Variants in MED13 observed in about 807,000 individuals in gnomAD.
The protein encoded by MED13 is mediator of RNA polymerase II transcription subunit 13.
Under a neutral mutation model 225.2 loss-of-function variants are expected in MED13, and 23 were observed. The ratio of observed to expected loss-of-function variants is 0.10; its 90% confidence interval spans 0.07 to 0.14. The LOEUF (loss-of-function observed/expected upper bound fraction) is 0.14, where lower values mean the gene tolerates loss of function less well. Ranked by LOEUF, MED13 falls within the 10% of genes least tolerant of loss-of-function variation. MED13 has a pLI of 1.00. For synonymous variants in MED13, 942 were observed against 889.2 expected, an observed-to-expected ratio of 1.06 and a Z score of -1.06; for missense variants, 2,197 against 2,594.5, an observed-to-expected ratio of 0.85 and a Z score of 3.33.
intron 5 of MED13, 126 bp from the exon 6 acceptor site, chr17:62,031,764 A>G (rs1047544296): frequency 6.1e-5 from 31 of 511,874 alleles, no homozygotes; most frequent in African/African-American, 5.7e-4. Context: ...ATTTTTATAA[A>G]TATAAGCTTC....
At chr17:61,987,433 TAAAAAC>T (rs1439084477) in intron 11 of MED13, among the ~76,000 whole-genome samples, 1 of 151,686 alleles carries the variant, frequency 6.6e-6, no homozygotes, top group Non-Finnish European at 1.5e-5. Context: ...GACTCCATCT[TAAAAAC>T]AAAAACAAAA....
Position 61,955,855 on chromosome 17 carries a change from T to TAAAAAAAAAAA in MED13, c.5624-28_5624-18dup, listed in dbSNP as rs61326861. The TAAAAAAAAAAA allele has an allele frequency of 1.2e-5, 10 of 815,120 alleles. No individual in the cohort carries two copies. The African/African-American group carries it at 1.3e-4, about 11-fold the overall frequency. The allele number at this position is 815,120 out of a possible 1,614,324, so 50.5% of individuals were successfully genotyped here. On this transcript the variant is annotated splice_polypyrimidine_tract_variant and intron_variant, in intron 24 of 29. Transcript: ENST00000397786. ...AGCTCCAATCTGTGGGTATCAACAG[T>TAAAAAAAAAAA]AAAAAAAAAAAAAAAAAAAAAAAAA...
chr17:62,019,065 GA>G (rs1202191120), intron 8 of MED13, among the ~76,000 whole-genome samples: 5 of 152,150 alleles, frequency 3.3e-5, no homozygotes, highest in Non-Finnish European at 5.9e-5. Flanking sequence ...TATCAAAGAA[GA>G]ATATCCACAA....
At chr17:62,064,194 G>C (rs147138202) in intron 1 of MED13, among the ~76,000 whole-genome samples, 2 of 152,154 alleles carry the variant, frequency 1.3e-5, no homozygotes, top group African/African-American at 4.8e-5. Flanking sequence ...TAGCACAAAG[G>C]AGAAAATGAA....
At chr17:62,001,494 C>T (rs1374079369) in intron 9 of MED13, among the ~76,000 whole-genome samples, 5 of 152,154 alleles carry the variant, frequency 3.3e-5, no homozygotes, top group African/African-American at 1.2e-4. Flanking sequence ...GTCATTTTAT[C>T]TCACTCAATA....
chr17:61,950,380 T>C (rs2079886230), intron 28 of MED13, among the ~76,000 whole-genome samples: 1 of 151,706 alleles, frequency 6.6e-6, no homozygotes, highest in Non-Finnish European at 1.5e-5. Context: ...ATTTAAAAAC[T>C]AGTTGTTTTT....
intron 18 of MED13, 99 bp downstream of exon 18, chr17:61,967,936 T>A: frequency 1.1e-6 from 1 of 869,848 alleles, no homozygotes; most frequent in Non-Finnish European, 1.8e-6. Context: ...TCTGACATCA[T>A]CACTGTGTCC....
chr17:61,954,717 C>T (rs1226778950), intron 26 of MED13, among the ~76,000 whole-genome samples: 1 of 152,104 alleles, frequency 6.6e-6, no homozygotes, highest in African/African-American at 2.4e-5. Flanking sequence ...GTGAAGGCTA[C>T]AGTAGGCTGA....
intron 9 of MED13, 44 bp downstream of exon 9, chr17:62,010,506 T>C: frequency 1.6e-6 from 2 of 1,278,108 alleles, no homozygotes; most frequent in African/African-American, 3.0e-5. Context: ...TTGCATCACT[T>C]CCACCCTTAA....
At chr17:61,994,882 T>A (rs940666723) in intron 10 of MED13, among the ~76,000 whole-genome samples, 3 of 152,110 alleles carry the variant, frequency 2.0e-5, no homozygotes, top group African/African-American at 7.2e-5. Context: ...AGCTACTTTT[T>A]GTATTTTTAT....
rs775501704 is a variant in MED13 at position 61,984,381 on chromosome 17, A to G, written c.2692-14T>C. 1.3e-6 allele frequency: 2 copies of G among 1,524,158 alleles called. No individual in the cohort carries two copies. Among genetic ancestry groups the G allele is most frequent in the East Asian group, 2.3e-5 (1 of 43,184 alleles). 94.4% of individuals were successfully genotyped at this position (1,524,158 alleles called of 1,614,324 possible). ...ATAAGAAAAATCCTACAATATAAAG[A>G]TGGTAGGTTTTCAGTATCTTATCTT... On this transcript the variant is annotated splice_polypyrimidine_tract_variant and intron_variant, in intron 14 of 29. Transcript: ENST00000397786.
intron 8 of MED13, among the ~76,000 whole-genome samples, chr17:62,023,597 G>C (rs2080670519): frequency 6.6e-6 from 1 of 152,180 alleles, no homozygotes; most frequent in Non-Finnish European, 1.5e-5. Flanking sequence ...TCTTCTGTTA[G>C]TGCCTCCTAT....
At position 62,065,140 on chromosome 17, in the gene MED13, C is replaced by A; in HGVS notation, c.66G>T (p.Leu22=). Residue 22 remains leucine (L), a splice_region_variant and synonymous_variant, in exon 1 of 30, where the codon CTG becomes CTT. Coordinates refer to ENST00000397786, the MANE Select transcript of MED13 (RefSeq NM_005121.3). The part of the protein sequence containing the change: ...LEDCHCNLFC[L]ADLTGIKWKK... ...GGCGCCCGCCGGCCCCGGCACTCAC[C>A]AGGCAGAAGAGGTTACAGTGACAAT... The A allele has an allele frequency of 6.4e-7, 1 of 1,569,492 alleles. No individual in the cohort carries two copies. The highest frequency in any genetic ancestry group is 1.8e-5 in the Admixed American group (1 of 54,678).
chr17:61,998,596 C>CTTTTT (rs58261678), intron 9 of MED13, among the ~76,000 whole-genome samples: 11 of 115,542 alleles, frequency 9.5e-5, no homozygotes, highest in African/African-American at 3.2e-4. Flanking sequence ...TTCCCACCGC[C>CTTTTT]TTTTTTTTTT....
chr17:61,999,810 G>A lies in MED13; in HGVS notation c.1968-4445C>T, dbSNP rs557091696. On this transcript the variant is annotated intron_variant, in intron 9 of 29. Coordinates refer to ENST00000397786, the MANE Select transcript of MED13 (RefSeq NM_005121.3). ...AGTGGCTCACATCTGTAATCCCAGC[G>A]CTTTGGGAGGCCAAGGTAGTAGCAT... Among the ~76,000 whole-genome samples, 20 of 152,184 alleles carry A rather than the reference G, an allele frequency of 1.3e-4. No homozygotes were observed. The South Asian group carries it at 2.1e-3, about 16-fold the overall frequency.
chr17:61,984,251 C>A lies in MED13; in HGVS notation c.2808G>T (p.Glu936Asp). The change falls in exon 15 of 30, where the codon GAG (glutamate) becomes GAT (aspartate). Residue 936 changes from glutamate (E) to aspartate (D), a missense_variant. Transcript: ENST00000397786. ...QYLPPIKLPEECIYRQSWTVG... is the reference protein window; with the variant it reads ...QYLPPIKLPEDCIYRQSWTVG... ...CAGTCCAACTCTGACGGTAAATACA[C>A]TCTTCTGGCAATTTGATAGGGGGCA... 1 of 1,611,534 alleles carries A rather than the reference C, an allele frequency of 6.2e-7. No homozygotes were observed. Among genetic ancestry groups the A allele is most frequent in the Non-Finnish European group, 8.5e-7 (1 of 1,179,104 alleles).
intron 3 of MED13, among the ~76,000 whole-genome samples, chr17:62,050,641 T>C (rs371700347): frequency 7.1e-4 from 108 of 152,322 alleles, no homozygotes; most frequent in African/African-American, 1.9e-3. Context: ...AATCTATTCA[T>C]TGGGGCTCAG....
Position 62,033,871 on chromosome 17 carries a change from A to G in MED13, c.730T>C (p.Cys244Arg), listed in dbSNP as rs1434267397. Residue 244 changes from cysteine to arginine, a missense_variant, in exon 5 of 30, where the codon TGT becomes CGT. Cys to Arg is a radical substitution (Grantham distance 180). Around this residue, in one of 12 missense-constraint regions of MED13, gnomAD observed 884 missense variants for 918.5 expected, o/e 0.96. Coordinates refer to ENST00000397786, the MANE Select transcript of MED13 (RefSeq NM_005121.3). ...TCTTCAGACATCTCCTTCAAGCAAC[A>G]TGAGATAGGATAGAACTGTTTCCAT... ...GEWKQFYPIS[C>R]CLKEMSEEKQ... 3.1e-6 allele frequency: 5 copies of G among 1,614,014 alleles called. No homozygotes were observed. The highest frequency in any genetic ancestry group is 4.2e-6 in the Non-Finnish European group (5 of 1,180,014).
At position 62,040,057 on chromosome 17, in the gene MED13, C is replaced by T. The variant is rs573363171; in HGVS notation, c.471-4449G>A. Among the ~76,000 whole-genome samples, 29 of 152,192 alleles carry T rather than the reference C, an allele frequency of 1.9e-4. No individual in the cohort carries two copies. In the South Asian group the frequency reaches 5.0e-3, roughly 26 times the overall value. On this transcript the variant is annotated intron_variant, in intron 3 of 29. Coordinates refer to ENST00000397786, the MANE Select transcript of MED13 (RefSeq NM_005121.3). ...AAGTAGCTTGAACTACAGGTGTGCA[C>T]CACCACACCCAAATCTCCGAAATCC...
Sources: allele counts gnomAD v4.1 joint callset (sites outside exome capture counted in the v4.1 genomes callset), GRCh38; gene constraint gnomAD v4.1.1; regional missense constraint gnomAD v4.1.1; transcripts MANE v1.5; gene names NCBI Gene and HGNC (gene_info 2026-07-23, HGNC 2026-07-21).